CADM2: variants seen among roughly 807,000 people sequenced by gnomAD.
CADM2 encodes immunoglobulin superfamily member 4D.
Under a neutral mutation model 49.8 loss-of-function variants are expected in CADM2, and 12 were observed. The observed-to-expected ratio is 0.24, with a 90% confidence interval of 0.15 to 0.39. CADM2 has a LOEUF of 0.39. CADM2 is among the 10% of genes least tolerant of loss of function. The pLI, the probability that CADM2 is intolerant of heterozygous loss-of-function variation, is 1.00. For missense variants in CADM2, 378 were observed against 492.3 expected, an observed-to-expected ratio of 0.77 and a Z score of 2.20; for synonymous variants, 214 against 175.4, an observed-to-expected ratio of 1.22 and a Z score of -1.74.
chr3:84,996,732 T>A (rs2200466), intron 1 of CADM2, among the ~76,000 whole-genome samples: 12,131 of 152,134 alleles, frequency 0.08, 683 homozygotes, highest in Admixed American at 0.19. Context: ...TTGTCTAATA[T>A]CATTTTCTTC....
intron 1 of CADM2, among the ~76,000 whole-genome samples, chr3:85,436,243 G>C (rs917136770): frequency 1.3e-5 from 2 of 152,068 alleles, no homozygotes; most frequent in African/African-American, 2.4e-5. Flanking sequence ...TGGTGTATAG[G>C]AATGCTTGAG....
chr3:85,892,236 A>C (rs1714539770), intron 5 of CADM2, among the ~76,000 whole-genome samples: 1 of 152,236 alleles, frequency 6.6e-6, no homozygotes, highest in Non-Finnish European at 1.5e-5. Flanking sequence ...GAACTTGGTG[A>C]ATGATCTGGA....
chr3:86,029,271 T>G (rs1170452372), intron 8 of CADM2, among the ~76,000 whole-genome samples: 4 of 151,984 alleles, frequency 2.6e-5, no homozygotes, highest in Admixed American at 2.6e-4. Context: ...AGCCTATGAA[T>G]GAAAGAGAAT....
At chr3:85,780,777 T>G (rs1457537011) in intron 2 of CADM2, among the ~76,000 whole-genome samples, 3 of 152,190 alleles carry the variant, frequency 2.0e-5, no homozygotes, top group African/African-American at 7.2e-5. Context: ...ACTACTTCAG[T>G]GTCCTTCTCC....
intron 1 of CADM2, among the ~76,000 whole-genome samples, chr3:85,003,192 T>G (rs1279886665): frequency 7.9e-6 from 1 of 126,322 alleles, no homozygotes; most frequent in Non-Finnish European, 2.0e-5. Flanking sequence ...AATAGTGGTC[T>G]ATTTTTCTAT....
chr3:85,348,598 G>C (rs1010920870), intron 1 of CADM2, among the ~76,000 whole-genome samples: 4 of 152,146 alleles, frequency 2.6e-5, no homozygotes, highest in African/African-American at 9.7e-5. Context: ...AAAATTAACA[G>C]ATAAACAAAA....
At chr3:85,319,819 G>T (rs1316760222) in intron 1 of CADM2, among the ~76,000 whole-genome samples, 1 of 152,054 alleles carries the variant, frequency 6.6e-6, no homozygotes, top group African/African-American at 2.4e-5. Flanking sequence ...AATACCTATT[G>T]GGTACTAGGC....
intron 1 of CADM2, among the ~76,000 whole-genome samples, chr3:85,205,729 A>G (rs1020564685): frequency 6.6e-6 from 1 of 152,146 alleles, no homozygotes; most frequent in African/African-American, 2.4e-5. Flanking sequence ...ATATATTTGT[A>G]ATGCTCACCA....
chr3:85,321,116 ATTTTTTTTTTTTTTTTTTTTTTTTTTTTT>A (rs1157576505), intron 1 of CADM2, among the ~76,000 whole-genome samples: 73 of 27,482 alleles, frequency 2.7e-3, no homozygotes, highest in African/African-American at 6.6e-3. Flanking sequence ...ATATATATAT[ATTTTTTTTTTTTTTTTTTTTTTTTTTTTT>A]TTTTTTTTTT....
rs1713648940 is a variant in CADM2 at position 85,886,334 on chromosome 3, A to G, written c.529+7A>G. On this transcript the variant is annotated splice_region_variant and intron_variant, in intron 5 of 9. Transcript: ENST00000383699. ...AATGACAAAGAGATTAAAGGTAAAG[A>G]ATAGAAAAATGAAAATCAAAATTAA... The G allele has an allele frequency of 6.3e-7, 1 of 1,597,514 alleles. No homozygotes were observed.
chr3:85,899,434 T>A (rs1026732685), intron 5 of CADM2, among the ~76,000 whole-genome samples: 1 of 152,206 alleles, frequency 6.6e-6, no homozygotes, highest in Non-Finnish European at 1.5e-5. Flanking sequence ...TTGTTATTAC[T>A]ACCAGGTGAA....
chr3:86,003,248 C>T (rs541911700), intron 8 of CADM2, among the ~76,000 whole-genome samples: 110 of 152,280 alleles, frequency 7.2e-4, no homozygotes, highest in African/African-American at 2.4e-3. Flanking sequence ...AAACTGACTA[C>T]GTGTACCTGC....
intron 1 of CADM2, among the ~76,000 whole-genome samples, chr3:85,408,010 CAAAAA>C (rs372349246): frequency 1.8e-4 from 10 of 56,182 alleles, no homozygotes; most frequent in Non-Finnish European, 3.2e-4. Flanking sequence ...AAAACAAAAC[CAAAAA>C]AAAAAAAAAA....
intron 1 of CADM2, among the ~76,000 whole-genome samples, chr3:85,182,308 A>T (rs2040955666): frequency 6.6e-6 from 1 of 152,072 alleles, no homozygotes; most frequent in South Asian, 2.1e-4. Flanking sequence ...ATAAATTTAC[A>T]TTTCAGAAAC....
At chr3:85,528,576 A>G (rs1358304705) in intron 1 of CADM2, among the ~76,000 whole-genome samples, 1 of 152,208 alleles carries the variant, frequency 6.6e-6, no homozygotes, top group African/African-American at 2.4e-5. Context: ...TCTTCTAACC[A>G]TAGCTACACT....
At chr3:85,939,381 C>A (rs933658230) in intron 7 of CADM2, among the ~76,000 whole-genome samples, 3 of 151,758 alleles carry the variant, frequency 2.0e-5, no homozygotes, top group African/African-American at 7.3e-5. Context: ...TTCAAGTCCC[C>A]AGAGTTTTTG....
chr3:86,024,653 T>C (rs370995846), intron 8 of CADM2, among the ~76,000 whole-genome samples: 4 of 152,282 alleles, frequency 2.6e-5, no homozygotes, highest in African/African-American at 9.6e-5. Flanking sequence ...AATTTGGCTT[T>C]ACCAGATACC....
intron 1 of CADM2, among the ~76,000 whole-genome samples, chr3:85,193,994 G>T (rs1211767588): frequency 6.6e-6 from 1 of 152,084 alleles, no homozygotes; most frequent in Admixed American, 6.6e-5. Context: ...TAAAGTGGCA[G>T]TTGCAAAAGT....
chr3:85,678,749 GTTTA>G (rs1172721099), intron 1 of CADM2, among the ~76,000 whole-genome samples: 3 of 152,172 alleles, frequency 2.0e-5, no homozygotes, highest in African/African-American at 7.2e-5. Flanking sequence ...ACTCATATCA[GTTTA>G]TTTATTCAAT....
Sources: allele counts gnomAD v4.1 joint callset (sites outside exome capture counted in the v4.1 genomes callset), GRCh38; gene constraint gnomAD v4.1.1; transcripts MANE v1.5; gene names NCBI Gene and HGNC (gene_info 2026-07-23, HGNC 2026-07-21).